Variants in DOCK1 observed in about 807,000 individuals in gnomAD.
DOCK1 encodes the protein dedicator of cytokinesis 1.
Under a neutral mutation model 262.7 loss-of-function variants are expected in DOCK1, and 138 were observed. That is an observed-to-expected ratio of 0.53 (90% CI 0.46 to 0.61). The LOEUF (loss-of-function observed/expected upper bound fraction) is 0.61. DOCK1 is among the 20% of genes least tolerant of loss of function. The pLI is 0.00. For missense variants in DOCK1, 1,908 were observed against 2,370.7 expected, an observed-to-expected ratio of 0.80 and a Z score of 4.05; for synonymous variants, 866 against 867.4, an observed-to-expected ratio of 1.00 and a Z score of 0.03.
intron 29 of DOCK1, among the ~76,000 whole-genome samples, chr10:127,322,004 G>A (rs1266181340): frequency 1.3e-5 from 2 of 151,902 alleles, no homozygotes; most frequent in Non-Finnish European, 2.9e-5. Flanking sequence ...TTGGGAGGCT[G>A]AGGCACGAGG....
rs1335287539 is a variant in DOCK1, at chr10:127,384,910, G to A, written c.3927+1G>A. On this transcript the variant is annotated splice_donor_variant, in intron 38 of 51. Transcript: ENST00000623213. LOFTEE classifies it high-confidence loss of function. Reference sequence around the variant, plus strand: ...CATCCACTACTTCGACAAAGGCAAGGTAAAACACAAAAAGCAATTGTCCTT... The same window carrying A: ...CATCCACTACTTCGACAAAGGCAAGATAAAACACAAAAAGCAATTGTCCTT... 1 of 1,590,274 alleles carries A rather than the reference G, an allele frequency of 6.3e-7. No individual in the cohort carries two copies. The highest frequency in any genetic ancestry group is 8.5e-7 in the Non-Finnish European group (1 of 1,171,634).
chr10:126,952,944 T>A (rs1180119229), intron 1 of DOCK1, among the ~76,000 whole-genome samples: 12 of 48,208 alleles, frequency 2.5e-4, no homozygotes, highest in Non-Finnish European at 4.2e-4. Flanking sequence ...TTGTTGGTGA[T>A]GGTAGTGGTA....
chr10:126,987,708 C>T (rs113111715), intron 5 of DOCK1, 91 bp downstream of exon 5: 377 of 1,176,818 alleles, frequency 3.2e-4, no homozygotes, highest in Non-Finnish European at 4.4e-4. Context: ...TTTTTCTCAG[C>T]GAAACTTAAA....
chr10:127,174,713 A>G (rs2054916478), intron 27 of DOCK1, among the ~76,000 whole-genome samples: 1 of 152,188 alleles, frequency 6.6e-6, no homozygotes, highest in Non-Finnish European at 1.5e-5. Flanking sequence ...AAAGCCTTGT[A>G]CAGTCCTGAA....
chr10:126,999,534 C>T, intron 9 of DOCK1, 99 bp downstream of exon 9: 1 of 938,446 alleles, frequency 1.1e-6, no homozygotes, highest in Non-Finnish European at 1.7e-6. Context: ...AACATGGGTC[C>T]CTGGGATGCC....
At chr10:127,307,439 C>T (rs1782415888) in intron 29 of DOCK1, among the ~76,000 whole-genome samples, 1 of 152,250 alleles carries the variant, frequency 6.6e-6, no homozygotes, top group African/African-American at 2.4e-5. Context: ...CACAAGTCCT[C>T]AGTGGAGTTC....
chr10:126,931,251 G>C (rs2034165535), intron 1 of DOCK1, among the ~76,000 whole-genome samples: 2 of 151,840 alleles, frequency 1.3e-5, no homozygotes, highest in Non-Finnish European at 2.9e-5. Flanking sequence ...GAAGCCAGGG[G>C]GAGAAGTCCA....
In DOCK1 at chr10:127,045,836, T is replaced by C. The variant is rs369248708; in HGVS notation, c.2201+2672T>C. Among the ~76,000 whole-genome samples, 7 of 152,284 alleles carry C rather than the reference T, an allele frequency of 4.6e-5. No homozygotes were observed. In the East Asian group the frequency reaches 9.7e-4, roughly 21 times the overall value. On this transcript the variant is annotated intron_variant, in intron 21 of 51. Transcript: ENST00000623213. The stretch of plus-strand genomic sequence containing the variant: ...TCCACCCTATGGAGCTGCTGCAGGC[T>C]CCTCACTGGCAACTGATGCTCCATC...
chr10:126,955,756 G>T (rs1378967667), intron 1 of DOCK1, among the ~76,000 whole-genome samples: 1 of 152,126 alleles, frequency 6.6e-6, no homozygotes. Flanking sequence ...TGGTCACGTT[G>T]CACAGGGGCT....
At chr10:127,310,981 C>T (rs1286710252) in intron 29 of DOCK1, among the ~76,000 whole-genome samples, 1 of 152,188 alleles carries the variant, frequency 6.6e-6, no homozygotes, top group Non-Finnish European at 1.5e-5. Flanking sequence ...CAAACTTGAA[C>T]TCAACACTTT....
chr10:127,124,242 T>C (rs1411058237), intron 25 of DOCK1, among the ~76,000 whole-genome samples: 1 of 152,234 alleles, frequency 6.6e-6, no homozygotes, highest in Non-Finnish European at 1.5e-5. Context: ...GAAACATTAA[T>C]GCAAAACATG....
At chr10:127,292,118 T>C (rs926511242) in intron 29 of DOCK1, among the ~76,000 whole-genome samples, 6 of 152,238 alleles carry the variant, frequency 3.9e-5, no homozygotes, top group Non-Finnish European at 7.3e-5. Flanking sequence ...ATATTTCTAA[T>C]AGACCACTCT....
At chr10:127,297,297 G>A (rs1486753940) in intron 29 of DOCK1, among the ~76,000 whole-genome samples, 1 of 152,168 alleles carries the variant, frequency 6.6e-6, no homozygotes, top group African/African-American at 2.4e-5. Context: ...GAATGTGGAG[G>A]GACGAATCCA....
chr10:127,266,911 C>T (rs759674124), intron 29 of DOCK1, among the ~76,000 whole-genome samples: 2 of 152,166 alleles, frequency 1.3e-5, no homozygotes, highest in Non-Finnish European at 2.9e-5. Context: ...AGTTCTCCTT[C>T]CTAGGCTGGT....
chr10:127,182,858 C>G (rs923282648), intron 27 of DOCK1, among the ~76,000 whole-genome samples: 10 of 152,002 alleles, frequency 6.6e-5, no homozygotes. Context: ...CCTTTAGTTA[C>G]GATAGCAGGT....
At chr10:127,037,846 G>GTA in intron 19 of DOCK1, 30 bp downstream of exon 19, 2 of 1,401,348 alleles carry the variant, frequency 1.4e-6, no homozygotes, top group Non-Finnish European at 1.9e-6. Flanking sequence ...GACTTTTTGG[G>GTA]TCTTTTTTTT....
intron 47 of DOCK1, among the ~76,000 whole-genome samples, chr10:127,429,854 A>G (rs943208): frequency 0.89 from 135,057 of 151,568 alleles, 60,217 homozygotes; most frequent in African/African-American, 0.92. Context: ...TGCCCTCACC[A>G]GCCCACAGCG....
intron 27 of DOCK1, among the ~76,000 whole-genome samples, chr10:127,200,711 C>T (rs894918790): frequency 4.6e-5 from 7 of 152,188 alleles, no homozygotes; most frequent in Non-Finnish European, 7.3e-5. Flanking sequence ...ATATTATTAT[C>T]TTTAAAGTAA....
At chr10:127,447,305 C>T in intron 50 of DOCK1, 89 bp from the exon 51 acceptor site, 3 of 1,532,196 alleles carry the variant, frequency 2.0e-6, no homozygotes, top group Non-Finnish European at 2.6e-6. Context: ...CTGTGCCTGC[C>T]TCTCTGGGAG....
Sources: allele counts gnomAD v4.1 joint callset (sites outside exome capture counted in the v4.1 genomes callset), GRCh38; gene constraint gnomAD v4.1.1; transcripts MANE v1.5; gene names NCBI Gene and HGNC (gene_info 2026-07-23, HGNC 2026-07-21).